RXFP1: variants seen among roughly 807,000 people sequenced by gnomAD.
The protein encoded by RXFP1 is relaxin receptor 1.
In RXFP1, 73 loss-of-function variants were observed where a neutral mutation model predicts 89.8. The ratio of observed to expected loss-of-function variants is 0.81; its 90% CI spans 0.67 to 0.99. The LOEUF is 0.99. RXFP1 is among the 50% of genes least tolerant of loss of function. The probability of loss-of-function intolerance (pLI) is 0.00; values close to 1 mark genes in which losing one functional copy is unlikely to be tolerated. For missense variants in RXFP1, 793 were observed against 895.5 expected (o/e 0.89, Z 1.46); for synonymous variants, 277 against 305.5 (o/e 0.91, Z 0.97).
chr4:158,627,480 A>G (rs189920711), intron 10 of RXFP1, among the ~76,000 whole-genome samples: 17 of 149,472 alleles, frequency 1.1e-4, no homozygotes, highest in Non-Finnish European at 1.8e-4. Context: ...GCAGATAATA[A>G]ATGTATTGTT....
At chr4:158,618,577 T>C (rs1257605915) in intron 9 of RXFP1, among the ~76,000 whole-genome samples, 1 of 152,086 alleles carries the variant, frequency 6.6e-6, no homozygotes, top group African/African-American at 2.4e-5. Context: ...AATAATACTT[T>C]GCTTTATAAT....
At chr4:158,629,342 G>A (rs917464587) in intron 11 of RXFP1, among the ~76,000 whole-genome samples, 1 of 152,160 alleles carries the variant, frequency 6.6e-6, no homozygotes, top group Admixed American at 6.5e-5. Context: ...TTGCTGATTT[G>A]AAACCAAAGG....
At chr4:158,646,472 T>G in intron 15 of RXFP1, 2 of 1,238,824 alleles carry the variant, frequency 1.6e-6, no homozygotes, top group South Asian at 3.1e-5. Context: ...TGATTGCATT[T>G]TGTTCATTTA....
chr4:158,593,330 A>G, intron 2 of RXFP1, 71 bp from the exon 3 acceptor site: 1 of 841,302 alleles, frequency 1.2e-6, no homozygotes, highest in Non-Finnish European at 1.9e-6. Flanking sequence ...TAAAGAGAGG[A>G]CCTGTCTCCC....
chr4:158,648,772 C>A (rs1772058043), intron 17 of RXFP1, 55 bp downstream of exon 17: 4 of 1,089,030 alleles, frequency 3.7e-6, no homozygotes, highest in Non-Finnish European at 5.3e-6. Flanking sequence ...TTACAGTGTT[C>A]TTTTAAGGAA....
At chr4:158,638,494 G>A (rs1382276871) in intron 13 of RXFP1, among the ~76,000 whole-genome samples, 1 of 152,068 alleles carries the variant, frequency 6.6e-6, no homozygotes, top group Non-Finnish European at 1.5e-5. Context: ...TTCTGTTAGA[G>A]CCAAAGAATT....
chr4:158,649,089 G>A (rs1254901709), intron 17 of RXFP1, among the ~76,000 whole-genome samples: 4 of 123,518 alleles, frequency 3.2e-5, no homozygotes, highest in African/African-American at 1.1e-4. Flanking sequence ...CTCCAGCCTG[G>A]GTGACAGAGC....
intron 1 of RXFP1, among the ~76,000 whole-genome samples, chr4:158,570,518 T>C (rs1464039139): frequency 6.6e-6 from 1 of 152,156 alleles, no homozygotes; most frequent in African/African-American, 2.4e-5. Flanking sequence ...TTCAGAACAT[T>C]CTGTCCATTT....
intron 1 of RXFP1, among the ~76,000 whole-genome samples, chr4:158,540,850 G>A (rs1171168834): frequency 6.6e-6 from 1 of 152,016 alleles, no homozygotes; most frequent in Non-Finnish European, 1.5e-5. Flanking sequence ...TGACATTGTG[G>A]CAATTCCAAA....
At position 158,521,910 on chromosome 4, in the gene RXFP1, T is replaced by G; in HGVS notation, c.-67T>G. 3.0e-6 allele frequency: 3 copies of G among 1,013,560 alleles called. No individual in the cohort carries two copies. In the South Asian group the frequency reaches 4.0e-5, roughly 14 times the overall value. The allele number at this position is 1,013,560 out of a possible 1,614,324, so 62.8% of individuals were successfully genotyped here. A position where few individuals can be genotyped will look rare whatever the true frequency, so the allele number is the denominator to read the frequency against. ...AATAGCACACAACCACTGTGAGCTGTATGCGATTCAGAAACCAAGACCAAA... is the reference window on the plus strand; with the variant it reads ...AATAGCACACAACCACTGTGAGCTGGATGCGATTCAGAAACCAAGACCAAA... On this transcript the variant is annotated 5_prime_UTR_variant, in exon 1 of 18. Transcript: ENST00000307765.
At chr4:158,638,797 G>A (rs1287694554) in intron 13 of RXFP1, among the ~76,000 whole-genome samples, 2 of 128,462 alleles carry the variant, frequency 1.6e-5, no homozygotes, top group African/African-American at 5.6e-5. Flanking sequence ...GGGCAACAGA[G>A]GAAGACCCTG....
intron 4 of RXFP1, among the ~76,000 whole-genome samples, chr4:158,601,174 A>C (rs1401963033): frequency 1.3e-5 from 2 of 151,990 alleles, no homozygotes; most frequent in Non-Finnish European, 2.9e-5. Context: ...GTACATAAAG[A>C]GATGTGGGCA....
intron 1 of RXFP1, among the ~76,000 whole-genome samples, chr4:158,554,615 G>T (rs954101363): frequency 6.6e-6 from 1 of 151,584 alleles, no homozygotes; most frequent in East Asian, 1.9e-4. Context: ...TTTGTGTGTG[G>T]TTTCCTTTTT....
At chr4:158,647,704 C>T (rs902286985) in intron 16 of RXFP1, among the ~76,000 whole-genome samples, 15 of 151,904 alleles carry the variant, frequency 9.9e-5, no homozygotes, top group African/African-American at 3.6e-4. Flanking sequence ...CCCATCTCTA[C>T]AAAATTATTT....
intron 1 of RXFP1, among the ~76,000 whole-genome samples, chr4:158,532,531 C>T (rs977447315): frequency 2.0e-5 from 3 of 152,166 alleles, no homozygotes; most frequent in African/African-American, 7.2e-5. Context: ...GTTTTGCAAA[C>T]ATCAAAATTG....
chr4:158,571,997 G>A (rs1755168663), intron 1 of RXFP1, among the ~76,000 whole-genome samples: 1 of 152,184 alleles, frequency 6.6e-6, no homozygotes, highest in Non-Finnish European at 1.5e-5. Context: ...TAGGGTGGGA[G>A]GGCCAGTCTT....
rs763826711 is a variant in RXFP1, at chr4:158,543,819, G to C, written c.49+21794G>C. The C allele has an allele frequency of 2.5e-5, 25 of 984,826 alleles. 1 individual carries two copies. The South Asian group carries it at 9.4e-4, about 37-fold the overall frequency. The allele number at this position is 984,826 out of a possible 1,614,324, so 61.0% of individuals were successfully genotyped here. On this transcript the variant is annotated intron_variant, in intron 1 of 17. Coordinates refer to ENST00000307765, the MANE Select transcript of RXFP1 (RefSeq NM_021634.4). ...AACAGCTGGTACTGCCTCTTCCTTC[G>C]ACACAGAAGAAAACCTAAAATCCAG...
chr4:158,615,853 G>A (rs1764460324), intron 8 of RXFP1, among the ~76,000 whole-genome samples: 1 of 152,122 alleles, frequency 6.6e-6, no homozygotes. Context: ...TCAGGGGGCT[G>A]AGACAGGAGA....
chr4:158,573,484 A>C (rs912405511), intron 2 of RXFP1, among the ~76,000 whole-genome samples: 3 of 152,064 alleles, frequency 2.0e-5, no homozygotes, highest in African/African-American at 4.8e-5. Context: ...TGAAAGCATT[A>C]GATTTTTTTT....
Sources: gnomAD v4.1 joint callset for allele counts (sites outside exome capture counted in the v4.1 genomes callset) on GRCh38, gnomAD v4.1.1 for gene constraint, MANE v1.5 for transcripts, NCBI Gene and HGNC (gene_info 2026-07-23, HGNC 2026-07-21) for gene names.